The following ISX variants were observed in gnomAD, a reference collection of about 807,000 sequenced individuals.
ISX encodes the protein intestine specific homeobox.
Under a neutral mutation model 16.9 loss-of-function variants are expected in ISX, and 15 were observed. The observed-to-expected ratio is 0.89, with a 90% confidence interval of 0.59 to 1.36. ISX has a LOEUF of 1.36. ISX is among the 40% of genes most tolerant of loss of function. The pLI is 0.00. For missense variants in ISX, 316 were observed against 306.1 expected, an observed-to-expected ratio of 1.03 and a Z score of -0.24; for synonymous variants, 125 against 119.7, an observed-to-expected ratio of 1.04 and a Z score of -0.29.
intron 2 of ISX, among the ~76,000 whole-genome samples, chr22:35,070,970 T>C (rs1334391653): frequency 2.6e-5 from 4 of 152,252 alleles, no homozygotes; most frequent in African/African-American, 9.6e-5. Context: ...GGTAGGCTTA[T>C]GTTCCAATAA....
At chr22:35,078,319 C>A (rs1929037324) in intron 2 of ISX, among the ~76,000 whole-genome samples, 1 of 152,178 alleles carries the variant, frequency 6.6e-6, no homozygotes, top group African/African-American at 2.4e-5. Context: ...CCCTCAGTGC[C>A]TATTAGGTGC....
chr22:35,082,404 G>A, intron 2 of ISX, 114 bp from the exon 3 acceptor site: 1 of 1,006,732 alleles, frequency 9.9e-7, no homozygotes, highest in Middle Eastern at 2.4e-4. Context: ...AGAAGCCAGG[G>A]GCCAAGGCTC....
chr22:35,070,911 C>G (rs745356840), intron 2 of ISX, among the ~76,000 whole-genome samples: 4 of 152,226 alleles, frequency 2.6e-5, no homozygotes, highest in Non-Finnish European at 5.9e-5. Context: ...AATTACGCAA[C>G]TCTTCTATCA....
chr22:35,066,954 G>T lies in ISX; in HGVS notation c.-134G>T. ...TCCCTGTGGACACGAAATCCTGTTT[G>T]GATCATCTAACTGGAGGCTCTCTGT... On this transcript the variant is annotated 5_prime_UTR_variant, in exon 2 of 5. Transcript: ENST00000404699. 1.6e-6 allele frequency: 1 copy of T among 634,802 alleles called. No individual in the cohort carries two copies. Among genetic ancestry groups the T allele is most frequent in the Non-Finnish European group, 2.7e-6 (1 of 363,750 alleles). 39.3% of individuals were successfully genotyped at this position (634,802 alleles called of 1,614,324 possible).
Position 35,081,024 on chromosome 22 carries a change from G to A in ISX, c.230-1494G>A, listed in dbSNP as rs148671020. On this transcript the variant is annotated intron_variant, in intron 2 of 4. Transcript: ENST00000404699. ...CTAGTGTTGTGCCTGGCAGAAAGGG[G>A]TTTGTGCTTAACAAAAAGGTAGATG... 2.4e-3 allele frequency among the ~76,000 whole-genome samples: 366 copies of A among 152,334 alleles called. 6 individuals are homozygous for A. The highest frequency in any genetic ancestry group is 1.1e-3 in the Non-Finnish European group (73 of 68,026).
In ISX at chr22:35,067,254, GC is replaced by G; in HGVS notation, c.171del (p.Gly58GlufsTer10). On this transcript the variant is annotated frameshift_variant, in exon 2 of 5. Coordinates refer to ENST00000404699, the MANE Select transcript of ISX (RefSeq NM_001303508.2). LOFTEE classifies it high-confidence loss of function. Reference protein sequence around the residue: ...MDRPEGPGEEGPGEAAASGSG... With the variant: ...MDRPEGPGEEXPGEAAASGSG... ...AGACCAGAAGGGCCAGGTGAAGAGGGCCCCGGAGAAGCTGCGGCCTCAGGCT... is the reference window on the plus strand; with the variant it reads ...AGACCAGAAGGGCCAGGTGAAGAGGGCCCGGAGAAGCTGCGGCCTCAGGCT... 2.5e-6 allele frequency: 4 copies of G among 1,605,802 alleles called. No individual in the cohort carries two copies. The highest frequency in any genetic ancestry group is 3.4e-6 in the Non-Finnish European group (4 of 1,176,218).
In ISX at chr22:35,080,316, T is replaced by C. The variant is rs551081190; in HGVS notation, c.230-2202T>C. Among the ~76,000 whole-genome samples the C allele has an allele frequency of 4.3e-4, 66 of 152,286 alleles. 2 individuals carry two copies. The South Asian group carries it at 9.8e-3, about 23-fold the overall frequency. ...TTGAACCTCAGTCCTCAGTTCCCCT[T>C]TGAGCTCCAAACTTATCAATGCATC... is the stretch of plus-strand genomic sequence containing the variant. On this transcript the variant is annotated intron_variant, in intron 2 of 4. Coordinates refer to ENST00000404699, the MANE Select transcript of ISX (RefSeq NM_001303508.2).
chr22:35,085,580 T>A lies in ISX; in HGVS notation c.625T>A (p.Trp209Arg), dbSNP rs572709197. ...GATCACCCTCCTCCCAGCGCACCCA[T>A]GGGAAACACAGCCTGTCCCAGGTCT... ...AWITLLPAHP[W>R]ETQPVPGLPI... is the part of the protein sequence containing the mutation. The change falls in exon 5 of 5, where the codon TGG becomes AGG. Residue 209 changes from tryptophan (W) to arginine (R), a missense_variant. Trp to Arg is a moderately radical substitution (Grantham distance 101, BLOSUM62 -3). Transcript: ENST00000404699. 156 of 1,614,184 alleles carry A rather than the reference T, an allele frequency of 9.7e-5. 1 individual carries two copies. In the South Asian group the frequency reaches 1.5e-3, roughly 16 times the overall value.
chr22:35,069,609 C>G (rs1928796840), intron 2 of ISX, among the ~76,000 whole-genome samples: 1 of 152,192 alleles, frequency 6.6e-6, no homozygotes, highest in Admixed American at 6.5e-5. Flanking sequence ...AAAGGATGGT[C>G]ATGATCCCAG....
chr22:35,074,129 C>T (rs11089727), intron 2 of ISX, among the ~76,000 whole-genome samples: 86,526 of 152,140 alleles, frequency 0.57, 25,108 homozygotes, highest in Middle Eastern at 0.65. Flanking sequence ...CTCACCTCTT[C>T]CTTGCTGCTA....
chr22:35,074,864 A>G (rs1195810625), intron 2 of ISX, among the ~76,000 whole-genome samples: 1 of 112,750 alleles, frequency 8.9e-6, no homozygotes, highest in Non-Finnish European at 2.0e-5. Flanking sequence ...GCATAAACAC[A>G]CACGTGCACA....
At chr22:35,078,114 T>C (rs1929032259) in intron 2 of ISX, among the ~76,000 whole-genome samples, 1 of 152,084 alleles carries the variant, frequency 6.6e-6, no homozygotes. Context: ...CTCAACTCCC[T>C]GCTGTCCTTG....
At position 35,085,786 on chromosome 22, in the gene ISX, A is replaced by C; in HGVS notation, c.*93A>C. 240 of 1,526,582 alleles carry C rather than the reference A, an allele frequency of 1.6e-4. No homozygotes were observed. The highest frequency in any genetic ancestry group is 2.0e-4 in the Non-Finnish European group (220 of 1,112,176). The allele number at this position is 1,526,582 out of a possible 1,614,324, so 94.6% of individuals were successfully genotyped here. A position where few individuals can be genotyped will look rare whatever the true frequency, so the allele number is the denominator to read the frequency against. On this transcript the variant is annotated 3_prime_UTR_variant, in exon 5 of 5. Transcript: ENST00000404699. ...CTGGGCCTCTGGGGAAATCGATTTC[A>C]CAATCCAAAAATGGCCCACAGCCCA...
At chr22:35,071,635 A>G (rs1054679270) in intron 2 of ISX, among the ~76,000 whole-genome samples, 2 of 152,190 alleles carry the variant, frequency 1.3e-5, no homozygotes, top group African/African-American at 4.8e-5. Context: ...CCTTAATTAT[A>G]TCTACAAAGA....
intron 2 of ISX, among the ~76,000 whole-genome samples, chr22:35,079,600 C>G (rs1178770009): frequency 6.6e-6 from 1 of 152,100 alleles, no homozygotes; most frequent in African/African-American, 2.4e-5. Flanking sequence ...GCTTAGAGTT[C>G]TCTGAGCATG....
rs361668 is a variant in ISX at position 35,067,186 on chromosome 22, T to C, written c.99T>C (p.Ile33=). ...AGAAGCTGAGCCTGTCCTTCTCCAT[T>C]GAGGCGATCCTAAAGAGGCCTGCCA... ...APKKLSLSFS[I]EAILKRPARR... Residue 33 remains isoleucine (I), a synonymous_variant, in exon 2 of 5, where the codon ATT becomes ATC. Transcript: ENST00000404699. The C allele has an allele frequency of 0.68, 1,098,167 of 1,611,186 alleles. 378,563 individuals carry two copies. Among genetic ancestry groups the C allele is most frequent in the African/African-American group, 0.86 (64,346 of 74,942 alleles).
chr22:35,080,171 T>C (rs777506179), intron 2 of ISX, among the ~76,000 whole-genome samples: 1 of 152,184 alleles, frequency 6.6e-6, no homozygotes, highest in Non-Finnish European at 1.5e-5. Context: ...AACCTCTACA[T>C]GGTGAAGGCA....
intron 2 of ISX, among the ~76,000 whole-genome samples, chr22:35,076,111 A>T (rs1161922586): frequency 1.4e-5 from 2 of 147,084 alleles, no homozygotes; most frequent in Non-Finnish European, 3.0e-5. Context: ...AAAAAAAAAA[A>T]ATACCTATTG....
intron 2 of ISX, among the ~76,000 whole-genome samples, chr22:35,068,160 C>T (rs767357256): frequency 3.9e-5 from 6 of 152,182 alleles, no homozygotes; most frequent in South Asian, 2.1e-4. Context: ...GTGAAGCTGG[C>T]GATGTCTCAA....
Sources: allele counts gnomAD v4.1 joint callset (sites outside exome capture counted in the v4.1 genomes callset), GRCh38; gene constraint gnomAD v4.1.1; transcripts MANE v1.5; gene names NCBI Gene and HGNC (gene_info 2026-07-23, HGNC 2026-07-21).